Variants in PDE4B observed in about 807,000 individuals in gnomAD.
PDE4B encodes 3',5'-cyclic-AMP phosphodiesterase 4B.
PDE4B carries 20 observed loss-of-function variants against 82.2 expected under a neutral mutation model. The observed-to-expected ratio is 0.24, with a 90% CI of 0.17 to 0.35. PDE4B has a LOEUF of 0.35. PDE4B is among the 10% of genes least tolerant of loss of function. The pLI is 1.00. For missense variants in PDE4B, 655 were observed against 907.2 expected, an observed-to-expected ratio of 0.72 and a Z score of 3.57; for synonymous variants, 320 against 318.9, an observed-to-expected ratio of 1.00 and a Z score of -0.04.
intron 2 of PDE4B, among the ~76,000 whole-genome samples, chr1:65,914,476 T>C (rs75460205): frequency 6.8e-6 from 1 of 147,912 alleles, no homozygotes; most frequent in East Asian, 2.2e-4. Flanking sequence ...TCTTCTTTTT[T>C]TTTTTTCTTT....
At chr1:65,930,174 C>T (rs1647752421) in intron 3 of PDE4B, among the ~76,000 whole-genome samples, 1 of 152,184 alleles carries the variant, frequency 6.6e-6, no homozygotes, top group Non-Finnish European at 1.5e-5. Flanking sequence ...AGGCCAGTCT[C>T]TCCTTTTCAC....
At chr1:66,296,485 A>C (rs1237731802) in intron 7 of PDE4B, among the ~76,000 whole-genome samples, 1 of 152,328 alleles carries the variant, frequency 6.6e-6, no homozygotes, top group East Asian at 1.9e-4. Context: ...CAGACTGAGG[A>C]GCTGCACAGA....
intron 7 of PDE4B, among the ~76,000 whole-genome samples, chr1:66,317,296 C>T (rs751327810): frequency 6.6e-6 from 1 of 152,202 alleles, no homozygotes; most frequent in Non-Finnish European, 1.5e-5. Context: ...GCCTGTGAGT[C>T]TCCTACTAAA....
At chr1:65,854,280 GA>G (rs1436572142) in intron 1 of PDE4B, among the ~76,000 whole-genome samples, 1 of 151,228 alleles carries the variant, frequency 6.6e-6, no homozygotes, top group African/African-American at 2.4e-5. Flanking sequence ...TTGTTTTAAA[GA>G]AATTAAAAAT....
chr1:66,013,253 T>C (rs887528046), intron 3 of PDE4B, among the ~76,000 whole-genome samples: 2 of 152,062 alleles, frequency 1.3e-5, no homozygotes, highest in Non-Finnish European at 2.9e-5. Flanking sequence ...TGATAACTGA[T>C]TTTGCCATCA....
intron 1 of PDE4B, among the ~76,000 whole-genome samples, chr1:65,849,710 G>GAA (rs141384108): frequency 4.0e-5 from 6 of 151,392 alleles, no homozygotes; most frequent in African/African-American, 1.5e-4. Flanking sequence ...TGCAGAAAAA[G>GAA]AAAAAAAACA....
chr1:66,038,051 C>T (rs576605401), intron 3 of PDE4B, among the ~76,000 whole-genome samples: 1 of 150,286 alleles, frequency 6.7e-6, no homozygotes, highest in African/African-American at 2.5e-5. Flanking sequence ...TCCATGAGGT[C>T]ATAAGTACAG....
At chr1:65,982,468 C>T (rs770519696) in intron 3 of PDE4B, among the ~76,000 whole-genome samples, 1 of 152,078 alleles carries the variant, frequency 6.6e-6, no homozygotes, top group Non-Finnish European at 1.5e-5. Context: ...AATGAGAAAA[C>T]GTGTTCTGGA....
intron 3 of PDE4B, among the ~76,000 whole-genome samples, chr1:66,184,181 G>C (rs1272846713): frequency 6.6e-6 from 1 of 152,052 alleles, no homozygotes; most frequent in Non-Finnish European, 1.5e-5. Context: ...TGAAGCTAGG[G>C]AGTAAAACAA....
At chr1:65,933,127 G>A (rs1211914232) in intron 3 of PDE4B, among the ~76,000 whole-genome samples, 2 of 151,702 alleles carry the variant, frequency 1.3e-5, no homozygotes, top group South Asian at 2.1e-4. Flanking sequence ...TGAAATGAAC[G>A]GAAAGAAACC....
At chr1:66,066,357 C>T (rs1218903217) in intron 3 of PDE4B, among the ~76,000 whole-genome samples, 1 of 151,762 alleles carries the variant, frequency 6.6e-6, no homozygotes, top group Non-Finnish European at 1.5e-5. Context: ...TGCCCTGAAG[C>T]TTTGCAGATT....
chr1:66,022,313 C>G (rs1272630156), intron 3 of PDE4B, among the ~76,000 whole-genome samples: 2 of 152,188 alleles, frequency 1.3e-5, no homozygotes, highest in Non-Finnish European at 2.9e-5. Flanking sequence ...TTTCTCTTGC[C>G]TGATTGCCCT....
At chr1:66,258,934 C>G (rs1045037222) in intron 6 of PDE4B, among the ~76,000 whole-genome samples, 11 of 152,152 alleles carry the variant, frequency 7.2e-5, no homozygotes, top group African/African-American at 2.7e-4. Context: ...TGTGAGTGAT[C>G]TTTCTCACAT....
intron 1 of PDE4B, among the ~76,000 whole-genome samples, chr1:65,910,709 T>C (rs1647080365): frequency 6.6e-6 from 1 of 152,172 alleles, no homozygotes; most frequent in African/African-American, 2.4e-5. Context: ...AGTAGAACGT[T>C]TTAGCCATGG....
At chr1:66,013,678 TA>T (rs913342894) in intron 3 of PDE4B, among the ~76,000 whole-genome samples, 10 of 150,180 alleles carry the variant, frequency 6.7e-5, no homozygotes, top group South Asian at 2.1e-4. Flanking sequence ...CACCACTTTT[TA>T]AAAAAAAAAT....
At chr1:66,135,867 A>G (rs1190379256) in intron 3 of PDE4B, among the ~76,000 whole-genome samples, 1 of 152,218 alleles carries the variant, frequency 6.6e-6, no homozygotes, top group Non-Finnish European at 1.5e-5. Context: ...ATTTTAAGCT[A>G]AAGAATCTGC....
At chr1:66,087,334 T>C (rs528172789) in intron 3 of PDE4B, among the ~76,000 whole-genome samples, 3 of 152,242 alleles carry the variant, frequency 2.0e-5, no homozygotes, top group Admixed American at 1.3e-4. Context: ...CACTTTTTGA[T>C]GGGGTTGTTT....
At chr1:65,799,325 G>A (rs958911115) in intron 1 of PDE4B, among the ~76,000 whole-genome samples, 1 of 152,166 alleles carries the variant, frequency 6.6e-6, no homozygotes. Context: ...TAAGAAATCA[G>A]AATTGCCTTC....
At chr1:65,966,662 A>G (rs1451398911) in intron 3 of PDE4B, among the ~76,000 whole-genome samples, 1 of 152,272 alleles carries the variant, frequency 6.6e-6, no homozygotes, top group Non-Finnish European at 1.5e-5. Flanking sequence ...ACAAGGTTAC[A>G]GTAACCAAAA....
Sources: allele counts gnomAD v4.1 joint callset (sites outside exome capture counted in the v4.1 genomes callset), GRCh38; gene constraint gnomAD v4.1.1; transcripts MANE v1.5; gene names NCBI Gene and HGNC (gene_info 2026-07-23, HGNC 2026-07-21).